The following CCDC12 variants were observed in gnomAD, a reference collection of about 807,000 sequenced individuals.
The protein encoded by CCDC12 is coiled-coil domain-containing protein 12.
Under a neutral mutation model 25.7 loss-of-function variants are expected in CCDC12, and 28 were observed. The observed-to-expected ratio is 1.09, with a 90% confidence interval of 0.81 to 1.50. CCDC12 has a LOEUF of 1.50. Ranked by LOEUF, CCDC12 falls within the 40% of genes most tolerant of loss-of-function variation. The probability of loss-of-function intolerance (pLI) is 0.00; values close to 1 mark genes in which losing one functional copy is unlikely to be tolerated. For synonymous variants in CCDC12, 75 were observed against 87.7 expected, an observed-to-expected ratio of 0.86 and a Z score of 0.81; for missense variants, 198 against 210.0, an observed-to-expected ratio of 0.94 and a Z score of 0.35.
intron 3 of CCDC12, 148 bp from the exon 4 acceptor site, chr3:46,923,816 G>A: frequency 1.8e-6 from 1 of 564,954 alleles, no homozygotes; most frequent in South Asian, 4.8e-5. Context: ...CAGAGGTGAA[G>A]ACCCTGCAAA....
intron 1 of CCDC12, among the ~76,000 whole-genome samples, chr3:46,949,328 G>C (rs2034026290): frequency 6.6e-6 from 1 of 152,174 alleles, no homozygotes; most frequent in African/African-American, 2.4e-5. Flanking sequence ...GTATGCAAAA[G>C]GCCCCTCCCA....
At chr3:46,960,132 C>G (rs1183020024) in intron 1 of CCDC12, among the ~76,000 whole-genome samples, 1 of 152,182 alleles carries the variant, frequency 6.6e-6, no homozygotes, top group Non-Finnish European at 1.5e-5. Context: ...AGTATTATAC[C>G]TGGGGGTACA....
At chr3:46,976,568 C>G (rs1187638277) in intron 1 of CCDC12, 69 bp downstream of exon 1, 36 of 1,550,428 alleles carry the variant, frequency 2.3e-5, no homozygotes, top group Admixed American at 2.0e-5. Context: ...GCCCTTTGCT[C>G]TCCTCAAGCG....
chr3:46,976,514 AG>A (rs1448686186), intron 1 of CCDC12, 122 bp downstream of exon 1: 6 of 1,446,776 alleles, frequency 4.1e-6, no homozygotes, highest in Admixed American at 2.7e-5. Flanking sequence ...CGCATGCGTT[AG>A]CGCCCGCGCA....
intron 1 of CCDC12, among the ~76,000 whole-genome samples, chr3:46,959,995 G>T (rs537915957): frequency 6.6e-6 from 1 of 152,086 alleles, no homozygotes; most frequent in Non-Finnish European, 1.5e-5. Context: ...TATGTATATC[G>T]ATACTGGGTT....
At chr3:46,923,547 G>A (rs752211737) in intron 4 of CCDC12, 60 bp downstream of exon 4, 2 of 1,547,392 alleles carry the variant, frequency 1.3e-6, no homozygotes, top group Non-Finnish European at 1.8e-6. Flanking sequence ...GAGAGCAAGT[G>A]GCGAAGAGAA....
At chr3:46,922,585 G>A (rs751757082) in intron 5 of CCDC12, 2 of 529,482 alleles carry the variant, frequency 3.8e-6, no homozygotes, top group African/African-American at 1.9e-5. Flanking sequence ...GTTTCTCAGA[G>A]ACCCTCTCTT....
intron 1 of CCDC12, among the ~76,000 whole-genome samples, chr3:46,948,654 G>A (rs1239584062): frequency 1.3e-5 from 2 of 152,378 alleles, no homozygotes; most frequent in African/African-American, 2.4e-5. Flanking sequence ...TGCCCTCAGC[G>A]GTGGAAAGGA....
At chr3:46,925,302 TG>T (rs1165324269) in intron 3 of CCDC12, 153 bp downstream of exon 3, 1 of 732,026 alleles carries the variant, frequency 1.4e-6, no homozygotes, top group Non-Finnish European at 2.5e-6. Flanking sequence ...AGGCCGACTG[TG>T]TGCATCTGCC....
At chr3:46,961,966 C>T (rs115084259) in intron 1 of CCDC12, among the ~76,000 whole-genome samples, 28 of 152,020 alleles carry the variant, frequency 1.8e-4, no homozygotes, top group African/African-American at 5.1e-4. Flanking sequence ...AAAGTAAATT[C>T]GAGATGGGTT....
chr3:46,931,458 T>C (rs1035959097), intron 2 of CCDC12, among the ~76,000 whole-genome samples: 3 of 152,216 alleles, frequency 2.0e-5, no homozygotes, highest in Non-Finnish European at 1.5e-5. Flanking sequence ...ACTGGCAAAC[T>C]GGCCTCAAAG....
chr3:46,955,312 T>C (rs2034253628), intron 1 of CCDC12, among the ~76,000 whole-genome samples: 2 of 152,168 alleles, frequency 1.3e-5, no homozygotes, highest in South Asian at 4.1e-4. Context: ...CTGAGTCTTG[T>C]CATGGGGCAG....
intron 1 of CCDC12, among the ~76,000 whole-genome samples, chr3:46,964,107 G>A (rs1047051651): frequency 2.3e-4 from 33 of 142,358 alleles, no homozygotes; most frequent in African/African-American, 6.4e-4. Flanking sequence ...GCCTAGCTGC[G>A]ACCCCGTCTG....
Position 46,934,340 on chromosome 3 carries a change from T to C in CCDC12, c.164+6658A>G, listed in dbSNP as rs1452557040. ...CCCTGAGTGGCAAACTGCCAGCAGC[T>C]GCTGCACTCTGCCAAAGACTCTTTT... is the stretch of plus-strand genomic sequence containing the variant. On this transcript the variant is annotated intron_variant, in intron 2 of 6. Transcript: ENST00000683445. Among the ~76,000 whole-genome samples, 3 of 152,238 alleles carry C rather than the reference T, an allele frequency of 2.0e-5. No individual in the cohort carries two copies. The South Asian group carries it at 6.2e-4, about 31-fold the overall frequency.
intron 1 of CCDC12, among the ~76,000 whole-genome samples, chr3:46,964,995 C>T (rs926888971): frequency 1.4e-4 from 21 of 151,700 alleles, no homozygotes; most frequent in Non-Finnish European, 2.2e-4. Flanking sequence ...TAATTAAAAT[C>T]TAGAGAGAAC....
chr3:46,975,561 C>T (rs1009297192), intron 1 of CCDC12, among the ~76,000 whole-genome samples: 1 of 144,410 alleles, frequency 6.9e-6, no homozygotes, highest in Non-Finnish European at 1.5e-5. Context: ...GACGGAGTCT[C>T]GCTCTGTCGC....
At chr3:46,974,840 G>A (rs901876673) in intron 1 of CCDC12, among the ~76,000 whole-genome samples, 3 of 152,178 alleles carry the variant, frequency 2.0e-5, no homozygotes, top group African/African-American at 7.2e-5. Flanking sequence ...TCATTGGTCT[G>A]TCTCTGTAGC....
At chr3:46,943,496 A>G (rs745613941) in intron 1 of CCDC12, among the ~76,000 whole-genome samples, 4 of 152,186 alleles carry the variant, frequency 2.6e-5, no homozygotes, top group Non-Finnish European at 4.4e-5. Context: ...CCCAGCCACA[A>G]AGACGACTCC....
intron 1 of CCDC12, among the ~76,000 whole-genome samples, chr3:46,957,048 T>A (rs1283550691): frequency 3.3e-5 from 5 of 152,134 alleles, no homozygotes; most frequent in Non-Finnish European, 4.4e-5. Flanking sequence ...CCTTGAGTCT[T>A]GGGGGAGGAA....
Sources: gnomAD v4.1 joint callset for allele counts (sites outside exome capture counted in the v4.1 genomes callset) on GRCh38, gnomAD v4.1.1 for gene constraint, MANE v1.5 for transcripts, NCBI Gene and HGNC (gene_info 2026-07-23, HGNC 2026-07-21) for gene names.